SIPA1L2: variants seen among roughly 807,000 people sequenced by gnomAD.
SIPA1L2 encodes the protein signal induced proliferation associated 1 like 2, also known as signal-induced proliferation-associated 1-like protein 2.
Under a neutral mutation model 163.9 loss-of-function variants are expected in SIPA1L2, and 56 were observed. The observed-to-expected ratio is 0.34, with a 90% CI of 0.28 to 0.43. SIPA1L2 has a LOEUF of 0.43. Among genes scored for constraint, SIPA1L2 ranks in the 20% least tolerant of loss-of-function variants. The probability of loss-of-function intolerance (pLI) is 1.00; values close to 1 mark genes in which losing one functional copy is unlikely to be tolerated. For synonymous variants in SIPA1L2, 877 were observed against 865.7 expected (o/e 1.01, Z -0.23); for missense variants, 1,974 against 2,193.5 (o/e 0.90, Z 2.00).
At chr1:232,559,663 A>C (rs789652) in intron 2 of SIPA1L2, among the ~76,000 whole-genome samples, 8,737 of 152,196 alleles carry the variant, frequency 0.057, 824 homozygotes, top group African/African-American at 0.2. Context: ...ATTCTCCAAA[A>C]TTTTGTTTTC....
intron 8 of SIPA1L2, among the ~76,000 whole-genome samples, chr1:232,469,208 C>T (rs940665881): frequency 6.6e-6 from 1 of 152,130 alleles, no homozygotes; most frequent in Non-Finnish European, 1.5e-5. Context: ...ACTCAACACC[C>T]GAAAAAAGCT....
intron 19 of SIPA1L2, among the ~76,000 whole-genome samples, chr1:232,414,609 T>TAC (rs76411162): frequency 0.092 from 13,928 of 152,050 alleles, 1,143 homozygotes; most frequent in East Asian, 0.45. Context: ...GTGACTCAGT[T>TAC]ACACCATGAG....
intron 2 of SIPA1L2, among the ~76,000 whole-genome samples, chr1:232,567,314 C>A (rs1237589857): frequency 6.6e-6 from 1 of 152,136 alleles, no homozygotes; most frequent in East Asian, 1.9e-4. Context: ...GAGGAAATGG[C>A]CTGAAAATAC....
chr1:232,490,829 AG>A (rs1558218385), intron 5 of SIPA1L2, 44 bp downstream of exon 5: 1 of 1,539,026 alleles, frequency 6.5e-7, no homozygotes, highest in Non-Finnish European at 8.8e-7. Context: ...TTTCAGAAAC[AG>A]ACACAAATTC....
chr1:232,620,031 C>T (rs545857970), intron 1 of SIPA1L2, among the ~76,000 whole-genome samples: 5 of 152,166 alleles, frequency 3.3e-5, no homozygotes, highest in East Asian at 3.9e-4. Flanking sequence ...ATTACAGGCA[C>T]GCGCTGCCAA....
intron 15 of SIPA1L2, among the ~76,000 whole-genome samples, chr1:232,433,829 G>A (rs1662393245): frequency 6.6e-6 from 1 of 152,222 alleles, no homozygotes; most frequent in South Asian, 2.1e-4. Flanking sequence ...TGACACGTGA[G>A]TGCAATGCGA....
At chr1:232,622,848 T>C (rs973280873) in intron 1 of SIPA1L2, among the ~76,000 whole-genome samples, 1 of 152,220 alleles carries the variant, frequency 6.6e-6, no homozygotes, top group African/African-American at 2.4e-5. Context: ...TAGAACTTGC[T>C]CAACAGTATT....
chr1:232,476,857 A>G (rs1665072825), intron 7 of SIPA1L2, among the ~76,000 whole-genome samples: 1 of 152,254 alleles, frequency 6.6e-6, no homozygotes, highest in South Asian at 2.1e-4. Context: ...AGTCTGGACC[A>G]GTTAAATGGT....
At chr1:232,429,962 C>T (rs1020756350) in intron 16 of SIPA1L2, among the ~76,000 whole-genome samples, 3 of 152,164 alleles carry the variant, frequency 2.0e-5, no homozygotes, top group African/African-American at 7.2e-5. Context: ...TTTCTATATA[C>T]GTTTATAGAA....
rs753614247 is a variant in SIPA1L2, at chr1:232,425,728, C to T, written c.4491G>A (p.Arg1497=). 3 of 1,614,114 alleles carry T rather than the reference C, an allele frequency of 1.9e-6. No individual in the cohort carries two copies. The highest frequency in any genetic ancestry group is 8.5e-7 in the Non-Finnish European group (1 of 1,179,994). The part of the protein sequence containing the change: ...LSDESICSNR[R]GSSFGSSRSS... ...TCCGGGAACTGCCAAAGGAGGACCC[C>T]CTCCTGTTGCTGCAGATGCTCTCGT... is the stretch of plus-strand genomic sequence containing the variant. Residue 1497 remains arginine (R), a synonymous_variant, in exon 18 of 23, where the codon AGG becomes AGA. Coordinates refer to ENST00000674635, the MANE Select transcript of SIPA1L2 (RefSeq NM_020808.5).
intron 17 of SIPA1L2, among the ~76,000 whole-genome samples, chr1:232,426,349 T>C (rs1286154463): frequency 6.6e-6 from 1 of 152,170 alleles, no homozygotes; most frequent in Non-Finnish European, 1.5e-5. Context: ...TCCAATAAAG[T>C]CTTACTGTCC....
intron 2 of SIPA1L2, among the ~76,000 whole-genome samples, chr1:232,550,639 C>A (rs907812283): frequency 4.6e-5 from 7 of 152,158 alleles, no homozygotes; most frequent in African/African-American, 1.4e-4. Flanking sequence ...GTAGCAGCAA[C>A]GTTTAATCTC....
In SIPA1L2 at chr1:232,403,976, G is replaced by A. The variant is rs374723324; in HGVS notation, c.4816+149C>T. 261 of 790,046 alleles carry A rather than the reference G, an allele frequency of 3.3e-4. 1 individual carries two copies. The highest frequency in any genetic ancestry group is 2.8e-3 in the Middle Eastern group (9 of 3,206). The allele number at this position is 790,046 out of a possible 1,614,324, so 48.9% of individuals were successfully genotyped here. ...TCAAGTTCTCCCCAAACCCGGAGAA[G>A]GTTCTGGAGACAGAACAGCCAGGAC... On this transcript the variant is annotated intron_variant, in intron 20 of 22. Transcript: ENST00000674635.
At position 232,555,209 on chromosome 1, in the gene SIPA1L2, T is replaced by G. The variant is rs567870360; in HGVS notation, c.-270+18965A>C. On this transcript the variant is annotated intron_variant, in intron 2 of 22. Transcript: ENST00000674635. Reference sequence around the variant, plus strand: ...TTATCTTTCAGCTGCACTACTCCCATGCCCAAAATTAAACAGAGAAAAGTT... The same window carrying G: ...TTATCTTTCAGCTGCACTACTCCCAGGCCCAAAATTAAACAGAGAAAAGTT... 9.8e-5 allele frequency among the ~76,000 whole-genome samples: 15 copies of G among 152,312 alleles called. No individual in the cohort carries two copies. The East Asian group carries it at 2.9e-3, about 29-fold the overall frequency.
chr1:232,493,476 C>A, intron 4 of SIPA1L2, 51 bp downstream of exon 4: 1 of 1,608,880 alleles, frequency 6.2e-7, no homozygotes, highest in Non-Finnish European at 8.5e-7. Flanking sequence ...GCAGTAACAC[C>A]AAAGGAGGTT....
chr1:232,570,566 C>T lies in SIPA1L2; in HGVS notation c.-270+3608G>A, dbSNP rs958634032. 7.2e-5 allele frequency among the ~76,000 whole-genome samples: 11 copies of T among 152,104 alleles called. No individual in the cohort carries two copies. In the East Asian group the frequency reaches 1.9e-3, roughly 27 times the overall value. ...ATGTTGTACAGATTTGTGATGTCCC[C>T]TTTCATTAGGGTCCAATTGTAACCC... On this transcript the variant is annotated intron_variant, in intron 2 of 22. Coordinates refer to ENST00000674635, the MANE Select transcript of SIPA1L2 (RefSeq NM_020808.5).
chr1:232,429,599 T>C (rs913379479), intron 16 of SIPA1L2, among the ~76,000 whole-genome samples: 4 of 146,202 alleles, frequency 2.7e-5, no homozygotes, highest in Admixed American at 6.9e-5. Flanking sequence ...CATGAACAAA[T>C]AGTGGCTGTA....
At chr1:232,414,274 TG>T (rs1661122737) in intron 19 of SIPA1L2, among the ~76,000 whole-genome samples, 1 of 152,028 alleles carries the variant, frequency 6.6e-6, no homozygotes, top group Admixed American at 6.5e-5. Flanking sequence ...CACTTGAGAG[TG>T]GATTCCAACT....
chr1:232,580,042 A>G (rs4649387), intron 1 of SIPA1L2, among the ~76,000 whole-genome samples: 40,114 of 152,096 alleles, frequency 0.26, 5,639 homozygotes, highest in East Asian at 0.5. Flanking sequence ...GCAGAGCAGG[A>G]GCATGGGCTG....
Sources: gnomAD v4.1 joint callset for allele counts (sites outside exome capture counted in the v4.1 genomes callset) on GRCh38, gnomAD v4.1.1 for gene constraint, MANE v1.5 for transcripts, NCBI Gene and HGNC (gene_info 2026-07-23, HGNC 2026-07-21) for gene names.